Variants in WDR70 observed in about 807,000 individuals in gnomAD.
WDR70 encodes WD repeat-containing protein 70.
Under a neutral mutation model 88.6 loss-of-function variants are expected in WDR70, and 53 were observed. That is an observed-to-expected ratio of 0.60 (90% CI 0.48 to 0.75). The LOEUF is 0.75. Ranked by LOEUF, WDR70 falls within the 30% of genes least tolerant of loss-of-function variation. WDR70 has a pLI of 0.00. For missense variants in WDR70, 610 were observed against 823.2 expected, an observed-to-expected ratio of 0.74 and a Z score of 3.17; for synonymous variants, 280 against 270.0, an observed-to-expected ratio of 1.04 and a Z score of -0.36.
At chr5:37,672,895 C>T (rs535999421) in intron 10 of WDR70, among the ~76,000 whole-genome samples, 1 of 152,112 alleles carries the variant, frequency 6.6e-6, no homozygotes, top group African/African-American at 2.4e-5. Context: ...CCTTCATCTT[C>T]TGACTTTTAC....
intron 7 of WDR70, among the ~76,000 whole-genome samples, chr5:37,466,285 A>G (rs1427616199): frequency 6.6e-6 from 1 of 152,076 alleles, no homozygotes; most frequent in Non-Finnish European, 1.5e-5. Flanking sequence ...TTTTTCATCT[A>G]TATTATGAGG....
At chr5:37,678,006 G>C (rs1581488131) in intron 10 of WDR70, among the ~76,000 whole-genome samples, 2 of 152,222 alleles carry the variant, frequency 1.3e-5, no homozygotes, top group African/African-American at 4.8e-5. Flanking sequence ...TGTCTCTTTT[G>C]ATCTTTGTTG....
intron 9 of WDR70, among the ~76,000 whole-genome samples, chr5:37,573,199 G>A (rs1242558614): frequency 6.6e-6 from 1 of 152,108 alleles, no homozygotes; most frequent in Non-Finnish European, 1.5e-5. Context: ...TGCTTTGAAA[G>A]TTCAGGTTTC....
At chr5:37,525,283 C>G (rs562242985) in intron 9 of WDR70, among the ~76,000 whole-genome samples, 1 of 152,306 alleles carries the variant, frequency 6.6e-6, no homozygotes, top group African/African-American at 2.4e-5. Flanking sequence ...AACCGTCTCT[C>G]AGACCACAGT....
intron 9 of WDR70, among the ~76,000 whole-genome samples, chr5:37,582,837 T>C (rs1743256866): frequency 6.6e-6 from 1 of 152,232 alleles, no homozygotes; most frequent in South Asian, 2.1e-4. Flanking sequence ...ATGGAGAGTA[T>C]GCCAAGTTTC....
intron 10 of WDR70, among the ~76,000 whole-genome samples, chr5:37,678,945 T>A (rs1314798713): frequency 6.6e-6 from 1 of 152,244 alleles, no homozygotes; most frequent in East Asian, 1.9e-4. Flanking sequence ...TTATTCTTTT[T>A]TCTCTAAACT....
intron 10 of WDR70, among the ~76,000 whole-genome samples, chr5:37,643,484 T>C (rs2112546041): frequency 6.6e-6 from 1 of 152,032 alleles, no homozygotes; most frequent in Non-Finnish European, 1.5e-5. Flanking sequence ...TGTGGTTCCA[T>C]ATAAATTTTA....
chr5:37,590,980 CAAAG>C (rs919305574), intron 9 of WDR70, among the ~76,000 whole-genome samples: 4 of 152,056 alleles, frequency 2.6e-5, no homozygotes, highest in Non-Finnish European at 5.9e-5. Flanking sequence ...AATTAAAAAA[CAAAG>C]AAAAATAACC....
intron 10 of WDR70, among the ~76,000 whole-genome samples, chr5:37,697,304 C>T (rs1185568097): frequency 6.6e-6 from 1 of 152,080 alleles, no homozygotes; most frequent in African/African-American, 2.4e-5. Context: ...TATATTTGCT[C>T]TTTCAGATAA....
intron 10 of WDR70, among the ~76,000 whole-genome samples, chr5:37,687,287 T>C (rs1746638674): frequency 6.6e-6 from 1 of 152,298 alleles, no homozygotes; most frequent in South Asian, 2.1e-4. Context: ...CTTTTTGATA[T>C]AAAATTTGGG....
chr5:37,386,056 G>A (rs529742746), intron 3 of WDR70, among the ~76,000 whole-genome samples: 24 of 149,208 alleles, frequency 1.6e-4, no homozygotes, highest in African/African-American at 5.4e-4. Context: ...CTCATGATCC[G>A]CCCCCCTCAG....
chr5:37,410,006 C>A lies in WDR70; in HGVS notation c.492+13436C>A, dbSNP rs116399344. Among the ~76,000 whole-genome samples the A allele has an allele frequency of 4.7e-3, 720 of 151,922 alleles. 10 individuals carry two copies. Among genetic ancestry groups the A allele is most frequent in the African/African-American group, 0.017 (686 of 41,426 alleles). On this transcript the variant is annotated intron_variant, in intron 5 of 17. Coordinates refer to ENST00000265107, the MANE Select transcript of WDR70 (RefSeq NM_018034.4). ...CATAAATCTTTCAGACTTCACCAAT[C>A]TCTATGTTGCCCATTCATTTTCTCT...
At chr5:37,458,126 A>G (rs1738900947) in intron 7 of WDR70, among the ~76,000 whole-genome samples, 1 of 58,726 alleles carries the variant, frequency 1.7e-5, no homozygotes, top group African/African-American at 6.8e-5. Flanking sequence ...GCTGGATTAC[A>G]TTTATTGATT....
intron 5 of WDR70, among the ~76,000 whole-genome samples, chr5:37,431,069 G>A (rs1426599529): frequency 6.6e-6 from 1 of 152,106 alleles, no homozygotes; most frequent in African/African-American, 2.4e-5. Flanking sequence ...GGCTAGGCTG[G>A]TCTGGAACTC....
intron 8 of WDR70, chr5:37,506,461 T>C (rs1740564609): frequency 2.6e-6 from 2 of 768,030 alleles, no homozygotes; most frequent in Non-Finnish European, 4.9e-6. Context: ...AAGGCTCCTC[T>C]ATGATCTTGC....
intron 8 of WDR70, chr5:37,507,000 C>CAG (rs1382769052): frequency 9.8e-6 from 6 of 610,994 alleles, no homozygotes; most frequent in Non-Finnish European, 1.8e-5. Flanking sequence ...TGGGGACACA[C>CAG]ACACACAGGC....
At chr5:37,407,816 A>T (rs1214601801) in intron 5 of WDR70, among the ~76,000 whole-genome samples, 1 of 151,828 alleles carries the variant, frequency 6.6e-6, no homozygotes, top group Non-Finnish European at 1.5e-5. Flanking sequence ...GGTGTGAGCC[A>T]CAGGCAGGTG....
chr5:37,746,736 G>A (rs1477532202), intron 17 of WDR70, among the ~76,000 whole-genome samples: 1 of 152,146 alleles, frequency 6.6e-6, no homozygotes, highest in Non-Finnish European at 1.5e-5. Context: ...TTGAATCCCT[G>A]AATAGACCAA....
rs188744052 is a variant in WDR70, at chr5:37,533,904, C to A, written c.917+17314C>A. Among the ~76,000 whole-genome samples, 310 of 152,222 alleles carry A rather than the reference C, an allele frequency of 2.0e-3. 2 individuals are homozygous for A. In the East Asian group the frequency reaches 0.036, roughly 17 times the overall value. On this transcript the variant is annotated intron_variant, in intron 9 of 17. Transcript: ENST00000265107. ...GAGTCTATTTCCAGGCAGCTGGTGA[C>A]CAGGGCTGAGAACTTGCCCCAGACC...
Sources: allele counts gnomAD v4.1 joint callset (sites outside exome capture counted in the v4.1 genomes callset), GRCh38; gene constraint gnomAD v4.1.1; transcripts MANE v1.5; gene names NCBI Gene and HGNC (gene_info 2026-07-23, HGNC 2026-07-21).